Variants in MDM4 observed in about 807,000 individuals in gnomAD.
MDM4 encodes MDM4 regulator of p53.
In MDM4, 2 loss-of-function variants were observed where a neutral mutation model predicts 60.2. The ratio of observed to expected loss-of-function variants is 0.03; its 90% CI spans 0.01 to 0.10. The LOEUF (loss-of-function observed/expected upper bound fraction) is 0.10, where lower values mean the gene tolerates loss of function less well. Ranked by LOEUF, MDM4 falls within the 10% of genes least tolerant of loss-of-function variation. The probability of loss-of-function intolerance (pLI) is 1.00; values close to 1 mark genes in which losing one functional copy is unlikely to be tolerated. For synonymous variants in MDM4, 202 were observed against 198.1 expected (o/e 1.02, Z -0.17); for missense variants, 447 against 577.5 (o/e 0.77, Z 2.32).
intron 1 of MDM4, among the ~76,000 whole-genome samples, chr1:204,524,747 A>G (rs1659942839): frequency 6.6e-6 from 1 of 152,294 alleles, no homozygotes; most frequent in Admixed American, 6.5e-5. Flanking sequence ...ATTGCGCTTC[A>G]GCCTGGGGGA....
rs1663077196 is a variant in MDM4 at position 204,550,218 on chromosome 1, A to AAGTGC, written c.*546_*550dup. ...CTGTCTTGTTCTGTCTCCCAGGCTG[A>AAGTGC]AGTGCAGTGCAGTGGTATGATCATG... On this transcript the variant is annotated 3_prime_UTR_variant, in exon 11 of 11. Coordinates refer to ENST00000367182, the MANE Select transcript of MDM4 (RefSeq NM_002393.5). 1 of 229,734 alleles carries AAGTGC rather than the reference A, an allele frequency of 4.4e-6. No homozygotes were observed. The highest frequency in any genetic ancestry group is 5.7e-5 in the Admixed American group (1 of 17,442). The allele number at this position is 229,734 out of a possible 1,614,324, so 14.2% of individuals were successfully genotyped here.
chr1:204,556,306 G>T lies in MDM4; in HGVS notation c.*6624G>T, dbSNP rs910500775. On this transcript the variant is annotated 3_prime_UTR_variant, in exon 11 of 11. Coordinates refer to ENST00000367182, the MANE Select transcript of MDM4 (RefSeq NM_002393.5). ...CGGTAGATGGGAAGCTGTGATGGCA[G>T]AGCTACTATCTAATAAAGTAACAAC... The T allele has an allele frequency of 2.2e-5, 5 of 227,460 alleles. No individual in the cohort carries two copies. The highest frequency in any genetic ancestry group is 4.4e-5 in the Non-Finnish European group (5 of 114,476). The allele number at this position is 227,460 out of a possible 1,614,324, so 14.1% of individuals were successfully genotyped here. A position where few individuals can be genotyped will look rare whatever the true frequency, so the allele number is the denominator to read the frequency against.
At chr1:204,525,644 AT>A (rs2102315586) in intron 2 of MDM4, 48 bp downstream of exon 2, 1 of 1,233,680 alleles carries the variant, frequency 8.1e-7, no homozygotes, top group Non-Finnish European at 1.1e-6. Context: ...TTTTTTTTTA[AT>A]TTTTAAAAAG....
At position 204,553,727 on chromosome 1, in the gene MDM4, T is replaced by C. The variant is rs1418394081; in HGVS notation, c.*4045T>C. The C allele has an allele frequency of 4.4e-6, 1 of 226,232 alleles. No individual in the cohort carries two copies. Among genetic ancestry groups the C allele is most frequent in the African/African-American group, 2.2e-5 (1 of 45,032 alleles). 14.0% of individuals were successfully genotyped at this position (226,232 alleles called of 1,614,324 possible). On this transcript the variant is annotated 3_prime_UTR_variant, in exon 11 of 11. Transcript: ENST00000367182. Reference sequence around the variant, plus strand: ...TTTCAGTATTACGGCTAAAAAGTTCTTCTGTCTGAATATTAACTCACTCTC... The same window carrying C: ...TTTCAGTATTACGGCTAAAAAGTTCCTCTGTCTGAATATTAACTCACTCTC...
chr1:204,543,808 T>C lies in MDM4; in HGVS notation c.673-727T>C, dbSNP rs4252722. On this transcript the variant is annotated intron_variant, in intron 8 of 10. Coordinates refer to ENST00000367182, the MANE Select transcript of MDM4 (RefSeq NM_002393.5). Reference sequence around the variant, plus strand: ...TAGTACTTCTCACTTTGTAAAAATATTGCTATATTTTATGTATGTGTTGTC... The same window carrying C: ...TAGTACTTCTCACTTTGTAAAAATACTGCTATATTTTATGTATGTGTTGTC... Among the ~76,000 whole-genome samples the C allele has an allele frequency of 6.0e-3, 920 of 152,328 alleles. 12 individuals carry two copies. The highest frequency in any genetic ancestry group is 0.021 in the African/African-American group (876 of 41,564).
intron 1 of MDM4, among the ~76,000 whole-genome samples, chr1:204,520,958 A>G (rs761724772): frequency 3.3e-5 from 5 of 152,208 alleles, no homozygotes; most frequent in Admixed American, 2.6e-4. Flanking sequence ...CTTGAATAAA[A>G]GAGTTATGAT....
In MDM4 at chr1:204,521,421, C is replaced by T. The variant is rs117573605; in HGVS notation, c.-35-4063C>T. ...TTGTTTTCTTTCTTTTTTTTAAGGA[C>T]ACCTCGAGACCGTTGAGTAAGTGCT... On this transcript the variant is annotated intron_variant, in intron 1 of 10. Coordinates refer to ENST00000367182, the MANE Select transcript of MDM4 (RefSeq NM_002393.5). Among the ~76,000 whole-genome samples, 69 of 152,060 alleles carry T rather than the reference C, an allele frequency of 4.5e-4. 1 individual carries two copies. In the East Asian group the frequency reaches 0.01, roughly 23 times the overall value.
Position 204,550,146 on chromosome 1 carries a change from C to T in MDM4, c.*464C>T, listed in dbSNP as rs1458645492. 52 of 199,754 alleles carry T rather than the reference C, an allele frequency of 2.6e-4. No individual in the cohort carries two copies. In the East Asian group the frequency reaches 3.3e-3, roughly 13 times the overall value. 12.4% of individuals were successfully genotyped at this position (199,754 alleles called of 1,614,324 possible). ...CTCACCCTAGTTTTTTTTTTTTTTG[C>T]ACTTTTTTTTTTCCGGGGGTATAGG... On this transcript the variant is annotated 3_prime_UTR_variant, in exon 11 of 11. Coordinates refer to ENST00000367182, the MANE Select transcript of MDM4 (RefSeq NM_002393.5).
At chr1:204,541,142 T>C (rs766270990) in intron 7 of MDM4, among the ~76,000 whole-genome samples, 1 of 152,088 alleles carries the variant, frequency 6.6e-6, no homozygotes, top group Non-Finnish European at 1.5e-5. Flanking sequence ...TTTTAAGATA[T>C]ATAAGAACAT....
rs114818444 is a variant in MDM4 at position 204,544,550 on chromosome 1, A to C, written c.688A>C (p.Ile230Leu). ...TTTCTGTTAGGATGTGGGTACTGCC[A>C]TTGTTTCAGATACTACAGATGACTT... ...LQTNQDVGTAIVSDTTDDLWF... is the reference protein window; with the variant it reads ...LQTNQDVGTALVSDTTDDLWF... Residue 230 changes from isoleucine (I) to leucine (L), a missense_variant, in exon 9 of 11, where the codon ATT (isoleucine) becomes CTT (leucine). Physicochemically the swap from Ile to Leu is conservative, Grantham distance 5 (BLOSUM62 2). Around this residue, in one of 8 missense-constraint regions of MDM4, gnomAD observed 184 missense variants for 179.3 expected, o/e 1.03. Coordinates refer to ENST00000367182, the MANE Select transcript of MDM4 (RefSeq NM_002393.5). 1.2e-6 allele frequency: 2 copies of C among 1,610,510 alleles called. No individual in the cohort carries two copies. The highest frequency in any genetic ancestry group is 4.5e-5 in the East Asian group (2 of 44,804).
intron 5 of MDM4, chr1:204,532,621 C>T (rs966793215): frequency 1.5e-6 from 1 of 674,100 alleles, no homozygotes; most frequent in African/African-American, 1.8e-5. Flanking sequence ...TCATTTCCCC[C>T]AGTTATCTCA....
In MDM4 at chr1:204,548,131, A is replaced by G. The variant is rs574996088; in HGVS notation, c.904-982A>G. On this transcript the variant is annotated intron_variant, in intron 10 of 10. Transcript: ENST00000367182. ...GATGCCATTGAATTTAATAAGCCCT[A>G]TTATTTTATGTCCTACTAAGAAAAA... Among the ~76,000 whole-genome samples, 21 of 152,358 alleles carry G rather than the reference A, an allele frequency of 1.4e-4. No individual in the cohort carries two copies. In the East Asian group the frequency reaches 2.7e-3, roughly 20 times the overall value.
At position 204,544,691 on chromosome 1, in the gene MDM4, T is replaced by A; in HGVS notation, c.822+7T>A. ...GAAAGTAAGTGACAAAAAGGTATGT[T>A]GTGGAAAAATTCCATGTTGATTCTG... On this transcript the variant is annotated splice_region_variant and intron_variant, in intron 9 of 10. Coordinates refer to ENST00000367182, the MANE Select transcript of MDM4 (RefSeq NM_002393.5). 1 of 1,606,710 alleles carries A rather than the reference T, an allele frequency of 6.2e-7. No homozygotes were observed. The highest frequency in any genetic ancestry group is 8.5e-7 in the Non-Finnish European group (1 of 1,174,516).
intron 5 of MDM4, among the ~76,000 whole-genome samples, chr1:204,535,919 G>A (rs529080401): frequency 1.3e-5 from 2 of 152,236 alleles, no homozygotes; most frequent in African/African-American, 4.8e-5. Context: ...CCTAAGTAAG[G>A]TAGTAAGGCT....
chr1:204,523,947 AAG>A (rs1172104281), intron 1 of MDM4, among the ~76,000 whole-genome samples: 1 of 151,982 alleles, frequency 6.6e-6, no homozygotes, highest in Non-Finnish European at 1.5e-5. Context: ...GGCTATTTTA[AAG>A]AGAGCAGGGG....
chr1:204,542,757 A>G, intron 7 of MDM4, 27 bp from the exon 8 acceptor site: 1 of 1,563,964 alleles, frequency 6.4e-7, no homozygotes. Context: ...GTGCATAGTT[A>G]TCATTCTTTT....
chr1:204,530,725 T>G lies in MDM4; in HGVS notation c.195T>G (p.Leu65=). Residue 65 remains leucine, a synonymous_variant, in exon 4 of 11, where the codon CTT becomes CTG. Transcript: ENST00000367182. The stretch of plus-strand genomic sequence containing the variant: ...GTCAGTACATAATGGTGAAGCAACT[T>G]TATGATCAGCAGGAGCAGCATATGG... The part of the protein sequence containing the change: ...YLGQYIMVKQ[L]YDQQEQHMVY... 6.2e-7 allele frequency: 1 copy of G among 1,614,182 alleles called. No homozygotes were observed. Among genetic ancestry groups the G allele is most frequent in the Non-Finnish European group, 8.5e-7 (1 of 1,180,040 alleles).
chr1:204,546,747 C>A, intron 9 of MDM4, 50 bp from the exon 10 acceptor site: 1 of 1,250,400 alleles, frequency 8.0e-7, no homozygotes, highest in South Asian at 1.3e-5. Flanking sequence ...GTTAATTAGC[C>A]TCATCTAAAA....
intron 7 of MDM4, among the ~76,000 whole-genome samples, chr1:204,539,825 C>T (rs1489774282): frequency 6.6e-6 from 1 of 152,058 alleles, no homozygotes; most frequent in Non-Finnish European, 1.5e-5. Flanking sequence ...TGAGCCACCA[C>T]ACCCAGCCTC....
Sources: allele counts gnomAD v4.1 joint callset (sites outside exome capture counted in the v4.1 genomes callset), GRCh38; gene constraint gnomAD v4.1.1; regional missense constraint gnomAD v4.1.1; transcripts MANE v1.5; gene names NCBI Gene and HGNC (gene_info 2026-07-23, HGNC 2026-07-21).